The following LRRC37A2 variants were observed in gnomAD, a reference collection of about 807,000 sequenced individuals.
LRRC37A2 encodes the protein leucine rich repeat containing 37 member A2, also known as leucine-rich repeat-containing protein 37A2.
LRRC37A2 carries 9 observed loss-of-function variants against 68.8 expected under a neutral mutation model. The observed-to-expected ratio is 0.13, with a 90% CI of 0.08 to 0.23. The LOEUF is 0.23. Ranked by LOEUF, LRRC37A2 falls within the 10% of genes least tolerant of loss-of-function variation. LRRC37A2 has a pLI of 1.00. For missense variants in LRRC37A2, 168 were observed against 950.4 expected, an observed-to-expected ratio of 0.18 and a Z score of 10.82; for synonymous variants, 63 against 367.6, an observed-to-expected ratio of 0.17 and a Z score of 9.48.
the LRRC37A2 span, among the ~76,000 whole-genome samples, chr17:47,013,555 G>A: frequency 6.6e-6 from 1 of 152,146 alleles, no homozygotes; most frequent in Non-Finnish European, 1.5e-5. Context: ...ATTCCCTAGA[G>A]TCGTGGTTCC....
the LRRC37A2 span, among the ~76,000 whole-genome samples, chr17:46,816,149 G>GCACA: frequency 7.6e-6 from 1 of 131,054 alleles, no homozygotes; most frequent in African/African-American, 2.9e-5. Context: ...ACGCACGCAC[G>GCACA]CACACACACA....
At chr17:47,018,730 T>C in the LRRC37A2 span, 8 of 1,520,654 alleles carry the variant, frequency 5.3e-6, no homozygotes, top group Non-Finnish European at 7.3e-6. Context: ...GAATCTTCCC[T>C]AACCCATCAG....
At chr17:46,899,645 A>G in the LRRC37A2 span, among the ~76,000 whole-genome samples, 5 of 152,122 alleles carry the variant, frequency 3.3e-5, no homozygotes, top group Non-Finnish European at 7.4e-5. Flanking sequence ...GCTAGTAGGT[A>G]TGGGTTTTGG....
At chr17:46,923,542 G>T in the LRRC37A2 span, 1,036 of 1,330,768 alleles carry the variant, frequency 7.8e-4, no homozygotes, top group South Asian at 1.5e-3. Flanking sequence ...TGTCAACTCG[G>T]TGCTCCTGGT....
chr17:46,467,648 C>T, the LRRC37A2 span, among the ~76,000 whole-genome samples: 1 of 101,682 alleles, frequency 9.8e-6, no homozygotes, highest in Non-Finnish European at 2.1e-5. Context: ...CCAGCCTTTT[C>T]AGTTATACCT....
At chr17:46,941,694 C>A in the LRRC37A2 span, 1 of 160,694 alleles carries the variant, frequency 6.2e-6, no homozygotes, top group Non-Finnish European at 1.3e-5. Flanking sequence ...ATACCTCAGC[C>A]TCCTGAGTAG....
chr17:46,497,554 A>T, the LRRC37A2 span, among the ~76,000 whole-genome samples: 1 of 149,092 alleles, frequency 6.7e-6, no homozygotes, highest in East Asian at 2.0e-4. Flanking sequence ...TATTGCAAAC[A>T]TATAGGTTTC....
the LRRC37A2 span, chr17:46,755,702 C>G: frequency 1.2e-4 from 151 of 1,298,294 alleles, 1 homozygote; most frequent in South Asian, 1.9e-3. Flanking sequence ...TGTAGGATAA[C>G]CATTAAGAAG....
the LRRC37A2 span, chr17:46,935,849 T>C: frequency 1.0e-5 from 10 of 986,104 alleles, no homozygotes; most frequent in Admixed American, 5.5e-4. Context: ...CTCTGCCCTT[T>C]TCCTGTATCA....
the LRRC37A2 span, among the ~76,000 whole-genome samples, chr17:46,991,669 T>A: frequency 6.6e-6 from 1 of 152,114 alleles, no homozygotes; most frequent in African/African-American, 2.4e-5. Flanking sequence ...AAAACCACTG[T>A]CACAAGAAAA....
the LRRC37A2 span, chr17:46,936,446 A>G: frequency 1.0e-6 from 1 of 985,316 alleles, no homozygotes; most frequent in South Asian, 4.7e-5. Flanking sequence ...CTGGGGGTTG[A>G]GACTTGAGGT....
At chr17:46,890,526 A>T in the LRRC37A2 span, among the ~76,000 whole-genome samples, 1 of 152,174 alleles carries the variant, frequency 6.6e-6, no homozygotes, top group Non-Finnish European at 1.5e-5. Flanking sequence ...GTGTGACAGC[A>T]CTGCTCTGGG....
chr17:47,019,776 C>T, the LRRC37A2 span: 6 of 959,356 alleles, frequency 6.3e-6, 1 homozygote, highest in African/African-American at 1.0e-4. Context: ...GAGCCCAACA[C>T]CCACAATGGC....
the LRRC37A2 span, among the ~76,000 whole-genome samples, chr17:46,739,392 A>AAAAG: frequency 1.3e-5 from 2 of 149,716 alleles, 1 homozygote; most frequent in African/African-American, 4.9e-5. Context: ...AAAAAAAAAA[A>AAAAG]GCCAAGCATG....
intron 11 of LRRC37A2, among the ~76,000 whole-genome samples, chr17:46,551,242 G>A (rs1472706160): frequency 3.4e-5 from 5 of 149,174 alleles, no homozygotes; most frequent in African/African-American, 5.2e-5. Flanking sequence ...GACAAGTCCT[G>A]TTTACAGTGC....
At chr17:46,848,812 C>T in the LRRC37A2 span, among the ~76,000 whole-genome samples, 1 of 152,226 alleles carries the variant, frequency 6.6e-6, no homozygotes, top group Non-Finnish European at 1.5e-5. Flanking sequence ...ACACCTGCTA[C>T]GTCAGCTCTC....
At chr17:46,858,300 G>A in the LRRC37A2 span, among the ~76,000 whole-genome samples, 1 of 152,064 alleles carries the variant, frequency 6.6e-6, no homozygotes, top group Admixed American at 6.6e-5. Flanking sequence ...CCCGTGACTT[G>A]CCGTTTCATT....
At chr17:46,501,050 G>A in the LRRC37A2 span, among the ~76,000 whole-genome samples, 2 of 151,410 alleles carry the variant, frequency 1.3e-5, no homozygotes, top group South Asian at 2.1e-4. Context: ...GGGCATGGTG[G>A]TGGTACTTTT....
the LRRC37A2 span, chr17:46,711,039 G>A: frequency 1.9e-6 from 3 of 1,590,604 alleles, no homozygotes; most frequent in South Asian, 2.3e-5. Context: ...CCAGTTACTC[G>A]AGTTCTAGAT....
Sources: gnomAD v4.1 joint callset for allele counts (sites outside exome capture counted in the v4.1 genomes callset) on GRCh38, gnomAD v4.1.1 for gene constraint, MANE v1.5 for transcripts, NCBI Gene and HGNC (gene_info 2026-07-23, HGNC 2026-07-21) for gene names.